Variants in TRANK1 observed in about 807,000 individuals in gnomAD.
TRANK1 encodes the protein tetratricopeptide repeat and ankyrin repeat containing 1.
Under a neutral mutation model 266.0 loss-of-function variants are expected in TRANK1, and 198 were observed. The ratio of observed to expected loss-of-function variants is 0.74; its 90% CI spans 0.66 to 0.84. The LOEUF (loss-of-function observed/expected upper bound fraction) is 0.84, where lower values mean the gene tolerates loss of function less well. Ranked by LOEUF, TRANK1 falls within the 40% of genes least tolerant of loss-of-function variation. The pLI, the probability that TRANK1 is intolerant of heterozygous loss-of-function variation, is 0.00. For missense variants in TRANK1, 3,326 were observed against 3,634.6 expected, an observed-to-expected ratio of 0.92 and a Z score of 2.18; for synonymous variants, 1,396 against 1,384.1, an observed-to-expected ratio of 1.01 and a Z score of -0.19.
Position 36,880,308 on chromosome 3 carries a change from A to G in TRANK1, c.908-6012T>C, listed in dbSNP as rs116737293. 780 of 399,142 alleles carry G rather than the reference A, an allele frequency of 2.0e-3. 7 individuals are homozygous for G. Among genetic ancestry groups the G allele is most frequent in the African/African-American group, 0.015 (710 of 47,160 alleles). The allele number at this position is 399,142 out of a possible 1,614,324, so 24.7% of individuals were successfully genotyped here. A position where few individuals can be genotyped will look rare whatever the true frequency, so the allele number is the denominator to read the frequency against. ...GGCCCCATTTGAGTCTTTCCACCTCATGAGAAACATCGATTCTCCACTGCT... is the reference window on the plus strand; with the variant it reads ...GGCCCCATTTGAGTCTTTCCACCTCGTGAGAAACATCGATTCTCCACTGCT... On this transcript the variant is annotated intron_variant, in intron 8 of 23. Coordinates refer to ENST00000645898, the MANE Select transcript of TRANK1 (RefSeq NM_001329998.2).
chr3:36,896,464 C>T (rs1447589356), intron 4 of TRANK1, among the ~76,000 whole-genome samples: 1 of 152,178 alleles, frequency 6.6e-6, no homozygotes, highest in Non-Finnish European at 1.5e-5. Flanking sequence ...CAAAGTTTCC[C>T]ATAAATATGT....
chr3:36,838,301 C>G (rs368333828), intron 20 of TRANK1, 71 bp downstream of exon 20: 1 of 1,580,646 alleles, frequency 6.3e-7, no homozygotes, highest in Non-Finnish European at 8.6e-7. Flanking sequence ...GAGTAGAGGT[C>G]GAGCCTACCC....
chr3:36,918,819 C>T (rs1287975386), intron 1 of TRANK1, among the ~76,000 whole-genome samples: 2 of 152,094 alleles, frequency 1.3e-5, no homozygotes, highest in African/African-American at 2.4e-5. Flanking sequence ...AAAGTTTCCT[C>T]GGTTTTGTAG....
chr3:36,927,280 T>C (rs1422645641), intron 1 of TRANK1, among the ~76,000 whole-genome samples: 1 of 152,204 alleles, frequency 6.6e-6, no homozygotes, highest in East Asian at 1.9e-4. Context: ...AGATTTGTCA[T>C]CGCTGCTCTG....
Position 36,908,372 on chromosome 3 carries a change from T to A in TRANK1, c.106A>T (p.Arg36Ter), listed in dbSNP as rs1216257070. 4.9e-6 allele frequency: 6 copies of A among 1,232,116 alleles called. No homozygotes were observed. The highest frequency in any genetic ancestry group is 1.6e-5 in the African/African-American group (1 of 64,432). 76.3% of individuals were successfully genotyped at this position (1,232,116 alleles called of 1,614,324 possible). Residue 36 changes from arginine to a stop codon, truncating the protein, a stop_gained, in exon 2 of 24, where the codon AGA (arginine) becomes TGA (stop). Transcript: ENST00000645898. LOFTEE classifies it high-confidence loss of function. ...ATCTGGATGGCTTCATCGTACTTTCTGATGGCCAAAGAGAAGTTCCCATTC... is the reference window on the plus strand; with the variant it reads ...ATCTGGATGGCTTCATCGTACTTTCAGATGGCCAAAGAGAAGTTCCCATTC... ...LKNGNFSLAIRKYDEAIQILL... is the reference protein window; with the variant it reads ...LKNGNFSLAI
intron 8 of TRANK1, among the ~76,000 whole-genome samples, chr3:36,883,394 AAGACTGCACCACTGCATTCC>A (rs1188952626): frequency 6.6e-6 from 1 of 151,468 alleles, no homozygotes; most frequent in Middle Eastern, 3.2e-3. Context: ...GCAGTGAGCC[AAGACTGCACCACTGCATTCC>A]AGACTGGGTG....
At chr3:36,927,054 A>C (rs1351668909) in intron 1 of TRANK1, among the ~76,000 whole-genome samples, 1 of 152,202 alleles carries the variant, frequency 6.6e-6, no homozygotes, top group Non-Finnish European at 1.5e-5. Flanking sequence ...TCAGCCAGTA[A>C]AAGAACTAAT....
chr3:36,908,311 G>C lies in TRANK1; in HGVS notation c.155+12C>G. On this transcript the variant is annotated intron_variant, in intron 2 of 23. Transcript: ENST00000645898. ...GAAAAAGAAAAGATGAGGTGAAAAT[G>C]CAAACACTTACCCCCACTGGTATAA... is the stretch of plus-strand genomic sequence containing the variant. 8.1e-7 allele frequency: 1 copy of C among 1,232,186 alleles called. No homozygotes were observed. Among genetic ancestry groups the C allele is most frequent in the Non-Finnish European group, 1.0e-6 (1 of 987,966 alleles). The allele number at this position is 1,232,186 out of a possible 1,614,324, so 76.3% of individuals were successfully genotyped here. A position where few individuals can be genotyped will look rare whatever the true frequency, so the allele number is the denominator to read the frequency against.
chr3:36,865,692 C>A (rs2079207114), intron 9 of TRANK1, among the ~76,000 whole-genome samples: 1 of 151,914 alleles, frequency 6.6e-6, no homozygotes, highest in Admixed American at 6.6e-5. Flanking sequence ...AGCAACATGG[C>A]AAAACCCAGT....
At chr3:36,890,812 G>A (rs1382263533) in intron 7 of TRANK1, among the ~76,000 whole-genome samples, 1 of 152,124 alleles carries the variant, frequency 6.6e-6, no homozygotes, top group Non-Finnish European at 1.5e-5. Context: ...AGTTCTCTGA[G>A]AAACAAATCA....
intron 9 of TRANK1, among the ~76,000 whole-genome samples, chr3:36,870,351 G>T (rs1263490760): frequency 6.6e-6 from 1 of 151,894 alleles, no homozygotes; most frequent in Non-Finnish European, 1.5e-5. Context: ...AGGTTGCAGT[G>T]AGCAGAGATT....
At position 36,832,077 on chromosome 3, in the gene TRANK1, A is replaced by G; in HGVS notation, c.7506T>C (p.Asp2502=). The G allele has an allele frequency of 6.2e-7, 1 of 1,613,982 alleles. No individual in the cohort carries two copies. Among genetic ancestry groups the G allele is most frequent in the Non-Finnish European group, 8.5e-7 (1 of 1,179,886 alleles). The change falls in exon 22 of 24, where the codon GAT becomes GAC. Residue 2502 remains aspartate (D), a synonymous_variant. Coordinates refer to ENST00000645898, the MANE Select transcript of TRANK1 (RefSeq NM_001329998.2). The part of the protein sequence containing the change: ...LFSKKDKELG[D]VFSIIQEYKP... ...TGTATTCCTGAATGATGGAGAACAC[A>G]TCCCCAAGCTCCTTGTCCTTCTTGC...
Position 36,855,846 on chromosome 3 carries a change from T to C in TRANK1, c.3876A>G (p.Glu1292=). 6.2e-7 allele frequency: 1 copy of C among 1,613,620 alleles called. No homozygotes were observed. Among genetic ancestry groups the C allele is most frequent in the South Asian group, 1.1e-5 (1 of 91,066 alleles). ...AGTCCCCATCCACCTCAGCCTCCTC[T>C]TCATCCTCTTGCCAACTAGGAATGG... ...ESTIPSWQED[E]EEAEVDGDYS... is the part of the protein sequence containing the mutation. The change falls in exon 13 of 24, where the codon GAA becomes GAG. Residue 1292 remains glutamate (E), a synonymous_variant. Transcript: ENST00000645898.
chr3:36,903,918 T>C (rs1174202436), intron 2 of TRANK1, among the ~76,000 whole-genome samples: 4 of 152,212 alleles, frequency 2.6e-5, no homozygotes, highest in Non-Finnish European at 4.4e-5. Context: ...ACCAATGGAA[T>C]ATAAGACACA....
At chr3:36,896,290 G>A (rs747105451) in intron 4 of TRANK1, among the ~76,000 whole-genome samples, 3 of 152,212 alleles carry the variant, frequency 2.0e-5, no homozygotes, top group East Asian at 1.9e-4. Flanking sequence ...GTGGCCCATC[G>A]ACCTATTGCA....
rs1207332782 is a variant in TRANK1, at chr3:36,879,743, A to AATATATAAAT, written c.908-5457_908-5448dup. Among the ~76,000 whole-genome samples the AATATATAAAT allele has an allele frequency of 5.7e-4, 60 of 105,322 alleles. 8 individuals are homozygous for AATATATAAAT. The highest frequency in any genetic ancestry group is 2.1e-3 in the Admixed American group (19 of 9,184). The allele number at this position is 105,322 out of a possible 152,430, so 69.1% of individuals were successfully genotyped here. On this transcript the variant is annotated intron_variant, in intron 8 of 23. Transcript: ENST00000645898. ...ATATATAAATATATATAAATATACA[A>AATATATAAAT]ATATATAAATATATATAAATATATA...
At position 36,892,876 on chromosome 3, in the gene TRANK1, T is replaced by G. The variant is rs7643978; in HGVS notation, c.636+25A>C. The G allele has an allele frequency of 1.5e-3, 1,351 of 897,268 alleles. 4 individuals are homozygous for G. The highest frequency in any genetic ancestry group is 1.6e-3 in the Non-Finnish European group (1,056 of 670,282). 55.6% of individuals were successfully genotyped at this position (897,268 alleles called of 1,614,324 possible). ...ACATATATATATATATATATAGATA[T>G]ATATAGATATATATATCACCTTACC... is the stretch of plus-strand genomic sequence containing the variant. On this transcript the variant is annotated intron_variant, in intron 6 of 23. Transcript: ENST00000645898.
At chr3:36,883,471 GAA>G (rs2079559699) in intron 8 of TRANK1, among the ~76,000 whole-genome samples, 1 of 137,900 alleles carries the variant, frequency 7.3e-6, no homozygotes, top group African/African-American at 2.7e-5. Flanking sequence ...GCAGAGAAAA[GAA>G]AAGAGAAGAA....
At chr3:36,925,591 T>G (rs548578708) in intron 1 of TRANK1, among the ~76,000 whole-genome samples, 1 of 143,596 alleles carries the variant, frequency 7.0e-6, no homozygotes, top group African/African-American at 2.5e-5. Flanking sequence ...TTTGAATCTT[T>G]CTTTTTTTTT....
Sources: gnomAD v4.1 joint callset for allele counts (sites outside exome capture counted in the v4.1 genomes callset) on GRCh38, gnomAD v4.1.1 for gene constraint, MANE v1.5 for transcripts, NCBI Gene and HGNC (gene_info 2026-07-23, HGNC 2026-07-21) for gene names.